Variants in HSD17B11 observed in about 807,000 individuals in gnomAD.
HSD17B11 encodes estradiol 17-beta-dehydrogenase 11.
A neutral mutation model predicts 27.8 loss-of-function variants in HSD17B11; 22 were observed. The observed-to-expected ratio is 0.79, with a 90% CI of 0.56 to 1.13. The LOEUF (loss-of-function observed/expected upper bound fraction) is 1.13, where lower values mean the gene tolerates loss of function less well. HSD17B11 is among the 50% of genes most tolerant of loss of function. The probability of loss-of-function intolerance (pLI) is 0.00; values close to 1 mark genes in which losing one functional copy is unlikely to be tolerated. For synonymous variants in HSD17B11, 117 were observed against 132.8 expected (o/e 0.88, Z 0.82); for missense variants, 314 against 351.1 (o/e 0.89, Z 0.84).
chr4:87,388,635 T>A (rs1720378833), intron 1 of HSD17B11, among the ~76,000 whole-genome samples: 1 of 152,256 alleles, frequency 6.6e-6, no homozygotes, highest in African/African-American at 2.4e-5. Context: ...TTTCACCTTT[T>A]ATTTTTTTCT....
At position 87,337,306 on chromosome 4, in the gene HSD17B11, T is replaced by C. The variant is rs960084275; in HGVS notation, c.873A>G (p.Ala291=). The change falls in exon 7 of 7, where the codon GCA becomes GCG. Residue 291 remains alanine (A), a synonymous_variant. Coordinates refer to ENST00000358290, the MANE Select transcript of HSD17B11 (RefSeq NM_016245.5). ...LKRKISVKFD[A]VIGYKMKAQ ...GCGCTTTCATTTTATATCCAATAACTGCATCAAACTTAACACTGATTTTTC... is the reference window on the plus strand; with the variant it reads ...GCGCTTTCATTTTATATCCAATAACCGCATCAAACTTAACACTGATTTTTC... 1.2e-6 allele frequency: 2 copies of C among 1,606,700 alleles called. No individual in the cohort carries two copies. The highest frequency in any genetic ancestry group is 1.7e-6 in the Non-Finnish European group (2 of 1,174,552).
At chr4:87,390,201 G>A (rs968785101) in intron 1 of HSD17B11, among the ~76,000 whole-genome samples, 2 of 152,320 alleles carry the variant, frequency 1.3e-5, no homozygotes, top group African/African-American at 2.4e-5. Context: ...TGTCGCCCAG[G>A]CTGAAGTGCA....
intron 4 of HSD17B11, among the ~76,000 whole-genome samples, chr4:87,367,148 T>C (rs1735625885): frequency 6.6e-6 from 1 of 152,230 alleles, no homozygotes. Context: ...GCAACAAAAA[T>C]CTGTTTTCTT....
At chr4:87,367,994 A>G (rs1735638902) in intron 4 of HSD17B11, among the ~76,000 whole-genome samples, 1 of 152,200 alleles carries the variant, frequency 6.6e-6, no homozygotes, top group Non-Finnish European at 1.5e-5. Context: ...CTAAATACTT[A>G]TTAATCTCCC....
chr4:87,378,152 C>A (rs920656798), intron 2 of HSD17B11, among the ~76,000 whole-genome samples: 1 of 152,200 alleles, frequency 6.6e-6, no homozygotes, highest in Non-Finnish European at 1.5e-5. Context: ...AATTGAATTT[C>A]ATCAGATTAT....
At chr4:87,377,097 G>GC (rs767913673) in intron 2 of HSD17B11, among the ~76,000 whole-genome samples, 16 of 149,990 alleles carry the variant, frequency 1.1e-4, no homozygotes, top group Non-Finnish European at 2.2e-4. Flanking sequence ...ACCATTGCAC[G>GC]CCCGCCTGGG....
chr4:87,343,570 CAG>C (rs1735212734), intron 5 of HSD17B11, among the ~76,000 whole-genome samples: 2 of 123,242 alleles, frequency 1.6e-5, no homozygotes, highest in Admixed American at 1.9e-4. Flanking sequence ...TTTTTTGAGA[CAG>C]AGTCTCGCTC....
chr4:87,346,688 GC>G (rs1239685672), intron 5 of HSD17B11, among the ~76,000 whole-genome samples: 1 of 152,016 alleles, frequency 6.6e-6, no homozygotes, highest in African/African-American at 2.4e-5. Flanking sequence ...ATTATTGTTG[GC>G]CAATTTAATG....
chr4:87,377,300 A>G (rs180848475), intron 2 of HSD17B11, among the ~76,000 whole-genome samples: 1 of 152,192 alleles, frequency 6.6e-6, no homozygotes, highest in East Asian at 1.9e-4. Context: ...AAGTACAAAA[A>G]TTAGCTAGGC....
At chr4:87,361,724 G>A (rs1172091852) in intron 4 of HSD17B11, among the ~76,000 whole-genome samples, 2 of 152,144 alleles carry the variant, frequency 1.3e-5, no homozygotes, top group South Asian at 2.1e-4. Context: ...CTGAGATCGC[G>A]CCGCTGCACT....
At chr4:87,380,037 GGAGGCGGAGGTTGCAGT>G (rs146266790) in intron 2 of HSD17B11, among the ~76,000 whole-genome samples, 5,547 of 148,448 alleles carry the variant, frequency 0.037, 371 homozygotes, top group African/African-American at 0.13. Context: ...CTTGAACCCA[GGAGGCGGAGGTTGCAGT>G]GAGCCAAGAT....
rs1187264684 is a variant in HSD17B11 at position 87,337,099 on chromosome 4, G to A, written c.*177C>T. The A allele has an allele frequency of 4.8e-6, 3 of 626,408 alleles. No homozygotes were observed. The highest frequency in any genetic ancestry group is 2.9e-5 in the East Asian group (1 of 34,488). The allele number at this position is 626,408 out of a possible 1,614,324, so 38.8% of individuals were successfully genotyped here. A position where few individuals can be genotyped will look rare whatever the true frequency, so the allele number is the denominator to read the frequency against. On this transcript the variant is annotated 3_prime_UTR_variant, in exon 7 of 7. Transcript: ENST00000358290. The stretch of plus-strand genomic sequence containing the variant: ...AGGTATTTCTCTGTTTATATCATAT[G>A]TAATCAGCTTTTGGCTAAAGAACAA...
intron 4 of HSD17B11, among the ~76,000 whole-genome samples, chr4:87,370,571 C>T (rs1239160417): frequency 1.3e-5 from 2 of 148,444 alleles, no homozygotes; most frequent in African/African-American, 2.5e-5. Context: ...ACGTACCACA[C>T]ACCCAGCTAA....
At chr4:87,381,712 T>A (rs1720173857) in intron 2 of HSD17B11, among the ~76,000 whole-genome samples, 1 of 146,484 alleles carries the variant, frequency 6.8e-6, no homozygotes. Flanking sequence ...TGAATCGAGA[T>A]CATGCCACTG....
intron 5 of HSD17B11, among the ~76,000 whole-genome samples, chr4:87,341,416 C>T (rs1221716899): frequency 6.6e-6 from 1 of 152,214 alleles, no homozygotes; most frequent in South Asian, 2.1e-4. Context: ...AAGTGATCCG[C>T]CAGCCTCGGC....
chr4:87,357,307 T>A lies in HSD17B11; in HGVS notation c.667A>T (p.Thr223Ser), dbSNP rs1467510774. ...GTACTTGGATTTTTGATGAAGCCAG[T>A]GTTTACGAAATTAGGACACAGACAT... ...TTCLCPNFVN[T>S]GFIKNPSTSL... is the part of the protein sequence containing the mutation. The change falls in exon 5 of 7, where the codon ACT (threonine) becomes TCT (serine). Residue 223 changes from threonine (T) to serine (S), a missense_variant. Transcript: ENST00000358290. 8.1e-6 allele frequency: 13 copies of A among 1,612,464 alleles called. No individual in the cohort carries two copies. Among genetic ancestry groups the A allele is most frequent in the Non-Finnish European group, 1.1e-5 (13 of 1,179,516 alleles).
At chr4:87,361,683 C>G (rs1321710734) in intron 4 of HSD17B11, among the ~76,000 whole-genome samples, 1 of 152,180 alleles carries the variant, frequency 6.6e-6, no homozygotes, top group Non-Finnish European at 1.5e-5. Context: ...AGGAGAATGG[C>G]GTGAACCCGG....
At chr4:87,341,129 T>C (rs1735157761) in intron 5 of HSD17B11, among the ~76,000 whole-genome samples, 1 of 152,102 alleles carries the variant, frequency 6.6e-6, no homozygotes, top group Admixed American at 6.5e-5. Flanking sequence ...GATATGCTTA[T>C]ATTTATTAGG....
At chr4:87,342,902 A>G (rs1735196056) in intron 5 of HSD17B11, among the ~76,000 whole-genome samples, 1 of 152,248 alleles carries the variant, frequency 6.6e-6, no homozygotes, top group Non-Finnish European at 1.5e-5. Flanking sequence ...AGCTTGCAGC[A>G]TAAACAGGCA....
Sources: allele counts gnomAD v4.1 joint callset (sites outside exome capture counted in the v4.1 genomes callset), GRCh38; gene constraint gnomAD v4.1.1; transcripts MANE v1.5; gene names NCBI Gene and HGNC (gene_info 2026-07-23, HGNC 2026-07-21).